PPM1H: variants seen among roughly 807,000 people sequenced by gnomAD.
The protein encoded by PPM1H is protein phosphatase, Mg2+/Mn2+ dependent 1H.
A neutral mutation model predicts 54.9 loss-of-function variants in PPM1H; 27 were observed. That is an observed-to-expected ratio of 0.49 (90% CI 0.36 to 0.68). The LOEUF (loss-of-function observed/expected upper bound fraction) is 0.68, where lower values mean the gene tolerates loss of function less well. Ranked by LOEUF, PPM1H falls within the 30% of genes least tolerant of loss-of-function variation. The pLI is 0.00. For synonymous variants in PPM1H, 305 were observed against 270.8 expected, an observed-to-expected ratio of 1.13 and a Z score of -1.24; for missense variants, 596 against 667.8, an observed-to-expected ratio of 0.89 and a Z score of 1.19.
At chr12:62,901,509 G>T (rs74097050) in intron 1 of PPM1H, among the ~76,000 whole-genome samples, 3,372 of 152,272 alleles carry the variant, frequency 0.022, 154 homozygotes, top group African/African-American at 0.077. Flanking sequence ...TTTTTGTGCT[G>T]AGGGGGACTG....
chr12:62,689,695 G>C lies in PPM1H; in HGVS notation c.1245+4C>G, dbSNP rs762065437. The C allele has an allele frequency of 1.2e-6, 2 of 1,609,236 alleles. No individual in the cohort carries two copies. The highest frequency in any genetic ancestry group is 1.7e-6 in the Non-Finnish European group (2 of 1,176,490). ...AAAATATAAACAAAAACCTCATGCG[G>C]TACCTCTGGAGCTGAAGACAGGAAT... On this transcript the variant is annotated splice_donor_region_variant and intron_variant, in intron 8 of 9. Transcript: ENST00000228705.
intron 1 of PPM1H, among the ~76,000 whole-genome samples, chr12:62,931,903 T>A (rs990786747): frequency 6.6e-6 from 1 of 152,180 alleles, no homozygotes; most frequent in African/African-American, 2.4e-5. Flanking sequence ...AATGACATAG[T>A]GTTTTGTGAA....
At position 62,649,200 on chromosome 12, in the gene PPM1H, G is replaced by T. The variant is rs555623696; in HGVS notation, c.1398-564C>A. On this transcript the variant is annotated intron_variant, in intron 9 of 9. Transcript: ENST00000228705. ...TATAGCAAGAATGTGAAGTTTTTTG[G>T]TTTTTTTTTTTAATTTATTTAATTT... Among the ~76,000 whole-genome samples, 867 of 148,536 alleles carry T rather than the reference G, an allele frequency of 5.8e-3. 13 individuals carry two copies. The highest frequency in any genetic ancestry group is 0.02 in the African/African-American group (804 of 40,328).
chr12:62,720,346 A>G, intron 5 of PPM1H, 57 bp from the exon 6 acceptor site: 1 of 1,349,898 alleles, frequency 7.4e-7, no homozygotes, highest in Non-Finnish European at 1.0e-6. Context: ...GAGAAACAAA[A>G]TAAGAATCAA....
At chr12:62,889,215 A>G (rs1049779956) in intron 1 of PPM1H, among the ~76,000 whole-genome samples, 1 of 152,212 alleles carries the variant, frequency 6.6e-6, no homozygotes, top group African/African-American at 2.4e-5. Flanking sequence ...TACATACTCA[A>G]TGCAATTCCA....
intron 1 of PPM1H, among the ~76,000 whole-genome samples, chr12:62,884,963 C>T (rs1726232809): frequency 6.6e-6 from 1 of 152,058 alleles, no homozygotes; most frequent in Non-Finnish European, 1.5e-5. Flanking sequence ...ACACCCGAGT[C>T]TGGGAAGAAA....
intron 4 of PPM1H, among the ~76,000 whole-genome samples, chr12:62,767,948 C>G (rs577609653): frequency 1.3e-5 from 2 of 152,316 alleles, no homozygotes; most frequent in South Asian, 2.1e-4. Context: ...AGTCCAGTCA[C>G]TGGATTTAGG....
intron 5 of PPM1H, among the ~76,000 whole-genome samples, chr12:62,733,311 G>A (rs1442402577): frequency 6.6e-6 from 1 of 152,154 alleles, no homozygotes; most frequent in Non-Finnish European, 1.5e-5. Context: ...TGGAGTTGCA[G>A]TGGCACAATC....
At chr12:62,689,014 A>G (rs893776680) in intron 8 of PPM1H, among the ~76,000 whole-genome samples, 1 of 152,158 alleles carries the variant, frequency 6.6e-6, no homozygotes, top group Non-Finnish European at 1.5e-5. Flanking sequence ...AAACAAAACA[A>G]AACAACTGTG....
intron 9 of PPM1H, among the ~76,000 whole-genome samples, chr12:62,661,717 C>CT (rs5798653): frequency 6.6e-6 from 1 of 151,736 alleles, no homozygotes; most frequent in South Asian, 2.1e-4. Context: ...TGTTAAAACA[C>CT]TTTTTTTTTC....
chr12:62,751,565 C>A (rs1011270922), intron 4 of PPM1H, among the ~76,000 whole-genome samples: 1 of 152,242 alleles, frequency 6.6e-6, no homozygotes, highest in African/African-American at 2.4e-5. Flanking sequence ...TTGATCTTCA[C>A]ATTATACATC....
chr12:62,852,194 A>G (rs934642625), intron 1 of PPM1H, among the ~76,000 whole-genome samples: 1 of 134,614 alleles, frequency 7.4e-6, no homozygotes, highest in African/African-American at 2.9e-5. Flanking sequence ...GTGCCACCAC[A>G]CTCCAGCCTG....
At chr12:62,924,189 G>A (rs918725977) in intron 1 of PPM1H, among the ~76,000 whole-genome samples, 7 of 152,150 alleles carry the variant, frequency 4.6e-5, no homozygotes, top group Admixed American at 1.3e-4. Flanking sequence ...ACCCCATTTT[G>A]TAAGACGAAA....
chr12:62,701,722 T>C (rs2076144982), intron 6 of PPM1H, among the ~76,000 whole-genome samples: 1 of 151,572 alleles, frequency 6.6e-6, no homozygotes, highest in East Asian at 1.9e-4. Context: ...TCATTCCTTC[T>C]GTCTGGGCCA....
At chr12:62,834,946 G>C (rs1009960633) in intron 1 of PPM1H, among the ~76,000 whole-genome samples, 4 of 152,108 alleles carry the variant, frequency 2.6e-5, no homozygotes, top group African/African-American at 9.7e-5. Flanking sequence ...GAAAGCTCAA[G>C]TGGGGGTTCA....
intron 4 of PPM1H, among the ~76,000 whole-genome samples, chr12:62,750,882 T>C (rs1478259032): frequency 2.0e-5 from 3 of 152,252 alleles, no homozygotes; most frequent in Non-Finnish European, 4.4e-5. Flanking sequence ...CATCACACAA[T>C]GCTTTATTTT....
intron 4 of PPM1H, chr12:62,755,519 C>T: frequency 1.5e-6 from 1 of 663,506 alleles, no homozygotes. Flanking sequence ...ATGGAATCCA[C>T]CGGTGTCTTC....
chr12:62,668,041 G>A lies in PPM1H; in HGVS notation c.1246-712C>T, dbSNP rs555428592. On this transcript the variant is annotated intron_variant, in intron 8 of 9. Coordinates refer to ENST00000228705, the MANE Select transcript of PPM1H (RefSeq NM_020700.2). ...CTCTGAACCTCCAAAGTATGTCTTT[G>A]TCTTGACAGACTTAAGTCTTTCCTC... 2.4e-4 allele frequency among the ~76,000 whole-genome samples: 36 copies of A among 152,264 alleles called. No homozygotes were observed. In the East Asian group the frequency reaches 7.0e-3, roughly 29 times the overall value.
At chr12:62,716,486 A>G (rs2076235126) in intron 6 of PPM1H, among the ~76,000 whole-genome samples, 1 of 152,186 alleles carries the variant, frequency 6.6e-6, no homozygotes, top group African/African-American at 2.4e-5. Flanking sequence ...AAAATTCCAC[A>G]ACTAGGCATT....
Sources: gnomAD v4.1 joint callset for allele counts (sites outside exome capture counted in the v4.1 genomes callset) on GRCh38, gnomAD v4.1.1 for gene constraint, MANE v1.5 for transcripts, NCBI Gene and HGNC (gene_info 2026-07-23, HGNC 2026-07-21) for gene names.